The following SLC6A2 variants were observed in gnomAD, a reference collection of about 807,000 sequenced individuals.
The protein encoded by SLC6A2 is solute carrier family 6 member 2.
Under a neutral mutation model 71.7 loss-of-function variants are expected in SLC6A2, and 26 were observed. The ratio of observed to expected loss-of-function variants is 0.36; its 90% CI spans 0.27 to 0.50. SLC6A2 has a LOEUF of 0.50. Among genes scored for constraint, SLC6A2 ranks in the 20% least tolerant of loss-of-function variants. The pLI, the probability that SLC6A2 is intolerant of heterozygous loss-of-function variation, is 0.96. For missense variants in SLC6A2, 581 were observed against 803.9 expected, an observed-to-expected ratio of 0.72 and a Z score of 3.35; for synonymous variants, 363 against 337.9, an observed-to-expected ratio of 1.07 and a Z score of -0.82.
At chr16:55,695,531 C>A in intron 8 of SLC6A2, 129 bp downstream of exon 8, 1 of 1,024,100 alleles carries the variant, frequency 9.8e-7, no homozygotes, top group South Asian at 1.3e-5. Context: ...TCCAAACCAC[C>A]CATGTGATTG....
At chr16:55,682,550 A>G (rs1270651080) in intron 4 of SLC6A2, among the ~76,000 whole-genome samples, 8 of 152,336 alleles carry the variant, frequency 5.3e-5, no homozygotes, top group African/African-American at 1.7e-4. Context: ...AACAGGTCTA[A>G]CTGCCAGTTC....
At chr16:55,698,712 C>T in intron 11 of SLC6A2, 144 bp downstream of exon 11, 1 of 710,138 alleles carries the variant, frequency 1.4e-6, no homozygotes, top group Admixed American at 2.1e-5. Flanking sequence ...AAATCTCAAT[C>T]CTCGGCTCAT....
intron 2 of SLC6A2, among the ~76,000 whole-genome samples, chr16:55,664,065 A>G (rs542860283): frequency 1.1e-4 from 17 of 152,224 alleles, no homozygotes; most frequent in Non-Finnish European, 1.8e-4. Flanking sequence ...TGACATCTCC[A>G]TAGAAGGCCC....
intron 2 of SLC6A2, among the ~76,000 whole-genome samples, chr16:55,658,245 C>T (rs1964513295): frequency 6.6e-6 from 1 of 152,172 alleles, no homozygotes; most frequent in Non-Finnish European, 1.5e-5. Flanking sequence ...GGCATGGTGG[C>T]TCATGCCTAT....
chr16:55,701,980 C>T (rs1242700747), intron 14 of SLC6A2, 46 bp downstream of exon 14: 9 of 1,442,406 alleles, frequency 6.2e-6, no homozygotes, highest in Non-Finnish European at 8.8e-6. Flanking sequence ...AAGGGCGGGC[C>T]CTGGCTGTTC....
intron 4 of SLC6A2, among the ~76,000 whole-genome samples, chr16:55,677,720 C>A (rs1217482967): frequency 6.6e-6 from 1 of 152,152 alleles, no homozygotes; most frequent in African/African-American, 2.4e-5. Flanking sequence ...CACCCAGTGG[C>A]ACAGTCTCGG....
At position 55,706,018 on chromosome 16, in the gene SLC6A2, A is replaced by ATGCC. The variant is rs1966092188; in HGVS notation, c.*3673_*3674insGCCT. 1.3e-5 allele frequency: 2 copies of ATGCC among 152,362 alleles called. No individual in the cohort carries two copies. The highest frequency in any genetic ancestry group is 1.3e-4 in the Admixed American group (2 of 15,306). 9.4% of individuals were successfully genotyped at this position (152,362 alleles called of 1,614,324 possible). A position where few individuals can be genotyped will look rare whatever the true frequency, so the allele number is the denominator to read the frequency against. On this transcript the variant is annotated 3_prime_UTR_variant, in exon 15 of 15. Coordinates refer to ENST00000568943, the MANE Select transcript of SLC6A2 (RefSeq NM_001172501.3). ...AGTCACTTTTGGGGTGCCTGCCCTC[A>ATGCC]TCCCTCTGTCTCTCTGCTTCCGTGT...
intron 2 of SLC6A2, among the ~76,000 whole-genome samples, chr16:55,664,588 A>T (rs1207852683): frequency 6.6e-6 from 1 of 152,170 alleles, no homozygotes; most frequent in Non-Finnish European, 1.5e-5. Context: ...GAGTATAATG[A>T]CAAGACATGG....
intron 4 of SLC6A2, 94 bp from the exon 5 acceptor site, chr16:55,685,049 C>T (rs1254581120): frequency 8.8e-6 from 11 of 1,245,938 alleles, no homozygotes; most frequent in Non-Finnish European, 1.3e-5. Context: ...CTGTCTCCAT[C>T]AGCATGCATT....
At chr16:55,671,817 C>G (rs1365675414) in intron 3 of SLC6A2, 121 bp from the exon 4 acceptor site, 1 of 1,529,868 alleles carries the variant, frequency 6.5e-7, no homozygotes, top group Non-Finnish European at 8.8e-7. Context: ...TTGGGGACCG[C>G]TGTTCTGCAG....
rs931528931 is a variant in SLC6A2 at position 55,703,603 on chromosome 16, G to A, written c.*1257G>A. The A allele has an allele frequency of 1.1e-5, 11 of 985,432 alleles. No homozygotes were observed. Among genetic ancestry groups the A allele is most frequent in the Non-Finnish European group, 1.2e-5 (10 of 829,938 alleles). 61.0% of individuals were successfully genotyped at this position (985,432 alleles called of 1,614,324 possible). On this transcript the variant is annotated 3_prime_UTR_variant, in exon 15 of 15. Coordinates refer to ENST00000568943, the MANE Select transcript of SLC6A2 (RefSeq NM_001172501.3). ...CTTGCACTTGGTGCCCTCTGGTGGTGTTTAGTTTTAGTTCCGTAAGAGAAA... is the reference window on the plus strand; with the variant it reads ...CTTGCACTTGGTGCCCTCTGGTGGTATTTAGTTTTAGTTCCGTAAGAGAAA...
intron 8 of SLC6A2, 46 bp from the exon 9 acceptor site, chr16:55,696,179 G>A (rs750479533): frequency 3.4e-6 from 4 of 1,168,940 alleles, no homozygotes; most frequent in Non-Finnish European, 5.2e-6. Context: ...GTGCAGCTCA[G>A]ACCAATGGTT....
At chr16:55,676,514 G>A (rs1011979419) in intron 4 of SLC6A2, among the ~76,000 whole-genome samples, 13 of 152,266 alleles carry the variant, frequency 8.5e-5, no homozygotes, top group South Asian at 2.1e-4. Flanking sequence ...CTGAGAGTGC[G>A]CATCTCCCAT....
intron 4 of SLC6A2, among the ~76,000 whole-genome samples, chr16:55,684,189 A>G (rs1263183860): frequency 6.6e-6 from 1 of 151,580 alleles, no homozygotes; most frequent in Non-Finnish European, 1.5e-5. Context: ...ATTCCCAGCT[A>G]CTTGGGAGGC....
intron 4 of SLC6A2, among the ~76,000 whole-genome samples, chr16:55,683,670 AACAC>A (rs1965353681): frequency 6.6e-6 from 1 of 152,000 alleles, no homozygotes; most frequent in African/African-American, 2.4e-5. Context: ...AAAAAACCCA[AACAC>A]TTTATTGATA....
chr16:55,656,818 G>T lies in SLC6A2; in HGVS notation c.124G>T (p.Val42Phe), dbSNP rs770482976. The T allele has an allele frequency of 6.2e-7, 1 of 1,613,470 alleles. No homozygotes were observed. Among genetic ancestry groups the T allele is most frequent in the Non-Finnish European group, 8.5e-7 (1 of 1,179,760 alleles). ...GCTGGTGGTGAAGGAGCGCAACGGC[G>T]TCCAGTGCCTGCTGGCGCCCCGCGA... is the stretch of plus-strand genomic sequence containing the variant. The part of the protein sequence containing the change: ...ELLVVKERNG[V>F]QCLLAPRDGD... The change falls in exon 2 of 15, where the codon GTC (valine) becomes TTC (phenylalanine). Residue 42 changes from valine to phenylalanine, a missense_variant. This residue lies in a region of SLC6A2 where 76 missense variants were observed against 79.9 expected (regional missense o/e 0.95). Transcript: ENST00000568943. The surrounding 1 kb of genome is among the most constrained non-coding windows in gnomAD (Gnocchi z 4.5).
rs1753419609 is a variant in SLC6A2, at chr16:55,656,183, G to C, written c.-52+14G>C. 1 of 165,402 alleles carries C rather than the reference G, an allele frequency of 6.0e-6. No individual in the cohort carries two copies. Among genetic ancestry groups the C allele is most frequent in the Non-Finnish European group, 1.3e-5 (1 of 76,748 alleles). 10.2% of individuals were successfully genotyped at this position (165,402 alleles called of 1,614,324 possible). The stretch of plus-strand genomic sequence containing the variant: ...GCCGCCGGACACGTGAGTGCGCCCT[G>C]AGCGCGGGACAGGGCTAGGTCTGCC... On this transcript the variant is annotated intron_variant, in intron 1 of 14. Coordinates refer to ENST00000568943, the MANE Select transcript of SLC6A2 (RefSeq NM_001172501.3). This position sits in a 1 kb window ranked among gnomAD's most constrained non-coding sequence, Gnocchi z 4.5.
In SLC6A2 at chr16:55,674,186, C is replaced by G. The variant is rs113644319; in HGVS notation, c.644+2011C>G. Among the ~76,000 whole-genome samples, 475 of 152,076 alleles carry G rather than the reference C, an allele frequency of 3.1e-3. 2 individuals are homozygous for G. Among genetic ancestry groups the G allele is most frequent in the African/African-American group, 0.011 (452 of 41,488 alleles). On this transcript the variant is annotated intron_variant, in intron 4 of 14. Coordinates refer to ENST00000568943, the MANE Select transcript of SLC6A2 (RefSeq NM_001172501.3). ...TTTTCGACTCTTGTCCCCCTCCCTC[C>G]CTCACTCCTCACTCTTGTTGTCCCC...
chr16:55,699,299 C>A (rs1965897057), intron 11 of SLC6A2, among the ~76,000 whole-genome samples: 1 of 152,202 alleles, frequency 6.6e-6, no homozygotes, highest in Admixed American at 6.5e-5. Flanking sequence ...TGGGGCAAAT[C>A]CCCTCACCTC....
Sources: gnomAD v4.1 joint callset for allele counts (sites outside exome capture counted in the v4.1 genomes callset) on GRCh38, gnomAD v4.1.1 for gene constraint, gnomAD v4.1.1 regional missense constraint, Gnocchi (gnomAD v3.1) non-coding constraint, MANE v1.5 for transcripts, NCBI Gene and HGNC (gene_info 2026-07-23, HGNC 2026-07-21) for gene names.